The following MOV10L1 variants were observed in gnomAD, a reference collection of about 807,000 sequenced individuals.
MOV10L1 encodes the protein Mov10 like RNA helicase 1, also known as RNA helicase Mov10l1.
A neutral mutation model predicts 143.8 loss-of-function variants in MOV10L1; 110 were observed. The ratio of observed to expected loss-of-function variants is 0.76; its 90% confidence interval spans 0.66 to 0.90. The LOEUF (loss-of-function observed/expected upper bound fraction) is 0.90, where lower values mean the gene tolerates loss of function less well. Ranked by LOEUF, MOV10L1 falls within the 40% of genes least tolerant of loss-of-function variation. MOV10L1 has a pLI of 0.00. For synonymous variants in MOV10L1, 593 were observed against 581.1 expected (o/e 1.02, Z -0.29); for missense variants, 1,406 against 1,526.8 (o/e 0.92, Z 1.32).
intron 26 of MOV10L1, 61 bp downstream of exon 26, chr22:50,161,116 C>T: frequency 2.6e-6 from 4 of 1,515,782 alleles, no homozygotes; most frequent in Non-Finnish European, 2.7e-6. Context: ...TCTAGCCTGC[C>T]CTCCCCTGCT....
In MOV10L1 at chr22:50,144,149, G is replaced by A; in HGVS notation, c.2411G>A (p.Ser804Asn). The A allele has an allele frequency of 1.2e-6, 2 of 1,613,664 alleles. No individual in the cohort carries two copies. The highest frequency in any genetic ancestry group is 1.7e-6 in the Non-Finnish European group (2 of 1,179,558). Residue 804 changes from serine to asparagine, a missense_variant, in exon 18 of 27, where the codon AGT (serine) becomes AAT (asparagine). Ser to Asn is a conservative substitution (Grantham distance 46, BLOSUM62 1). Transcript: ENST00000262794. Reference sequence around the variant, plus strand: ...ATTTTAGTCTGTGCGCCCTCCAACAGTGCTGCTGACCTCGTGTGTCTGCGG... The same window carrying A: ...ATTTTAGTCTGTGCGCCCTCCAACAATGCTGCTGACCTCGTGTGTCTGCGG... ...SRILVCAPSNSAADLVCLRLH... is the reference protein window; with the variant it reads ...SRILVCAPSNNAADLVCLRLH...
chr22:50,143,446 T>C, intron 17 of MOV10L1: 1 of 549,404 alleles, frequency 1.8e-6, no homozygotes, highest in Non-Finnish European at 3.2e-6. Flanking sequence ...GTAAACTATT[T>C]TATCTGAATC....
intron 1 of MOV10L1, chr22:50,090,883 T>A (rs1168118031): frequency 1.1e-5 from 3 of 274,288 alleles, no homozygotes; most frequent in Non-Finnish European, 2.2e-5. Context: ...GCCATGTTGG[T>A]CAGGCTGGTC....
chr22:50,114,674 T>G, intron 7 of MOV10L1, 52 bp downstream of exon 7: 1 of 1,598,002 alleles, frequency 6.3e-7, no homozygotes, highest in South Asian at 1.1e-5. Flanking sequence ...CTGGGGGCCG[T>G]GGGGTTGTGA....
chr22:50,119,658 A>G (rs931434681), intron 9 of MOV10L1, among the ~76,000 whole-genome samples: 1 of 149,990 alleles, frequency 6.7e-6, no homozygotes, highest in Non-Finnish European at 1.5e-5. Context: ...TGCTTTCCAA[A>G]TACACCTCGC....
chr22:50,108,882 C>A, intron 5 of MOV10L1, 38 bp downstream of exon 5: 3 of 1,596,998 alleles, frequency 1.9e-6, no homozygotes, highest in Non-Finnish European at 2.6e-6. Flanking sequence ...CGGTGGCTAA[C>A]GCCTGTAATC....
chr22:50,119,256 A>G (rs1022742051), intron 9 of MOV10L1, among the ~76,000 whole-genome samples: 1 of 152,114 alleles, frequency 6.6e-6, no homozygotes, highest in Non-Finnish European at 1.5e-5. Flanking sequence ...CAGGTTAGTG[A>G]CCCAGAGTGC....
intron 15 of MOV10L1, among the ~76,000 whole-genome samples, chr22:50,135,859 C>T (rs2062810953): frequency 6.6e-6 from 1 of 151,216 alleles, no homozygotes; most frequent in Non-Finnish European, 1.5e-5. Flanking sequence ...TTTGTGAATA[C>T]AATAGAAGTG....
In MOV10L1 at chr22:50,128,309, A is replaced by G. The variant is rs78405391; in HGVS notation, c.1819-107A>G. On this transcript the variant is annotated intron_variant, in intron 12 of 26. Transcript: ENST00000262794. The stretch of plus-strand genomic sequence containing the variant: ...ATCCTTTTCAACTAATTTTGCAGAT[A>G]TCAAATTTTAGCTCAGAGCTATAGA... 1,208 of 672,304 alleles carry G rather than the reference A, an allele frequency of 1.8e-3. 13 individuals are homozygous for G. The African/African-American group carries it at 0.019, about 10-fold the overall frequency. The allele number at this position is 672,304 out of a possible 1,614,324, so 41.6% of individuals were successfully genotyped here.
rs769364470 is a variant in MOV10L1 at position 50,128,458 on chromosome 22, G to C, written c.1861G>C (p.Glu621Gln). 3 of 1,539,984 alleles carry C rather than the reference G, an allele frequency of 1.9e-6. No individual in the cohort carries two copies. Among genetic ancestry groups the C allele is most frequent in the Non-Finnish European group, 2.7e-6 (3 of 1,122,152 alleles). The change falls in exon 13 of 27, where the codon GAA (glutamate) becomes CAA (glutamine). Residue 621 changes from glutamate (E) to glutamine (Q), a missense_variant. Physicochemically the swap from Glu to Gln is conservative, Grantham distance 29 (BLOSUM62 2). Coordinates refer to ENST00000262794, the MANE Select transcript of MOV10L1 (RefSeq NM_018995.3). The stretch of plus-strand genomic sequence containing the variant: ...AACTCTTAAAATTAATCCAGAATTT[G>C]AACAAGCCTATAACTTTGAACCTAT... The part of the protein sequence containing the change: ...DVTLKINPEF[E>Q]QAYNFEPMDV...
chr22:50,128,220 G>A (rs2062567687), intron 12 of MOV10L1, among the ~76,000 whole-genome samples, 196 bp from the exon 13 acceptor site: 1 of 152,250 alleles, frequency 6.6e-6, no homozygotes, highest in Non-Finnish European at 1.5e-5. Context: ...TAGAAGTTCA[G>A]TAAGTATGAG....
intron 5 of MOV10L1, among the ~76,000 whole-genome samples, chr22:50,110,238 G>A (rs1327355732): frequency 1.3e-5 from 2 of 151,824 alleles, no homozygotes; most frequent in South Asian, 2.1e-4. Flanking sequence ...TCACAAGGTC[G>A]GGAGATTGAA....
In MOV10L1 at chr22:50,115,134, G is replaced by C; in HGVS notation, c.1147G>C (p.Glu383Gln). Reference sequence around the variant, plus strand: ...CCCAGGTGATTGTACCTGTAAAGGAGAAAATGGAGAAAAAGACAACATTCT... The same window carrying C: ...CCCAGGTGATTGTACCTGTAAAGGACAAAATGGAGAAAAAGACAACATTCT... ...ISPGDCTCKG[E>Q]NGEKDNILSR... Residue 383 changes from glutamate (E) to glutamine (Q), a missense_variant, in exon 8 of 27, where the codon GAA becomes CAA. By Grantham distance (29) the Glu-to-Gln change is conservative (BLOSUM62 2). Transcript: ENST00000262794. 1.9e-6 allele frequency: 3 copies of C among 1,569,994 alleles called. No homozygotes were observed. The highest frequency in any genetic ancestry group is 2.6e-6 in the Non-Finnish European group (3 of 1,166,464).
At chr22:50,137,770 T>TTATATA (rs200745891) in intron 15 of MOV10L1, among the ~76,000 whole-genome samples, 1 of 141,702 alleles carries the variant, frequency 7.1e-6, no homozygotes, top group African/African-American at 2.6e-5. Context: ...TATACATATT[T>TTATATA]TATATATATA....
At position 50,143,167 on chromosome 22, in the gene MOV10L1, C is replaced by T; in HGVS notation, c.2304C>T (p.Leu768=). ...ACTGCCGTCCCCTCCCGTATATTCT[C>T]TTTGGACCTCCTGGTACTGGAAAGA... ...SGDCRPLPYI[L]FGPPGTGKTV... Residue 768 remains leucine, a synonymous_variant, in exon 17 of 27, where the codon CTC becomes CTT. Coordinates refer to ENST00000262794, the MANE Select transcript of MOV10L1 (RefSeq NM_018995.3). 4.3e-6 allele frequency: 7 copies of T among 1,614,178 alleles called. No homozygotes were observed. Among genetic ancestry groups the T allele is most frequent in the Non-Finnish European group, 5.1e-6 (6 of 1,180,022 alleles).
rs764361135 is a variant in MOV10L1 at position 50,158,020 on chromosome 22, A to G, written c.3067-37A>G. On this transcript the variant is annotated intron_variant, in intron 22 of 26. Coordinates refer to ENST00000262794, the MANE Select transcript of MOV10L1 (RefSeq NM_018995.3). The surrounding 1 kb of genome is among the most constrained non-coding windows in gnomAD (Gnocchi z 5.0). ...GATTGTAGCCTTCTGGTGAATATTC[A>G]TGAAGTAAAGTAGGTTTTCTCTCCT... The G allele has an allele frequency of 6.3e-7, 1 of 1,590,314 alleles. No individual in the cohort carries two copies. The highest frequency in any genetic ancestry group is 1.1e-5 in the South Asian group (1 of 88,448).
chr22:50,090,457 G>A, intron 1 of MOV10L1: 1 of 1,606,748 alleles, frequency 6.2e-7, no homozygotes, highest in Non-Finnish European at 8.5e-7. Context: ...ACGCCGAGCA[G>A]CTGCCAAGTC....
intron 10 of MOV10L1, among the ~76,000 whole-genome samples, chr22:50,121,503 G>A (rs546209134): frequency 1.1e-4 from 17 of 152,296 alleles, no homozygotes; most frequent in African/African-American, 4.1e-4. Context: ...CCCGGCCTGG[G>A]CAGTGCTGGG....
chr22:50,114,002 T>G (rs935447983), intron 6 of MOV10L1, among the ~76,000 whole-genome samples: 4 of 142,154 alleles, frequency 2.8e-5, no homozygotes, highest in Non-Finnish European at 6.0e-5. Flanking sequence ...CACTGCAAGC[T>G]CCGCCTCCCG....
Sources: gnomAD v4.1 joint callset for allele counts (sites outside exome capture counted in the v4.1 genomes callset) on GRCh38, gnomAD v4.1.1 for gene constraint, Gnocchi (gnomAD v3.1) non-coding constraint, MANE v1.5 for transcripts, NCBI Gene and HGNC (gene_info 2026-07-23, HGNC 2026-07-21) for gene names.